Variants in CAPN14 observed in about 807,000 individuals in gnomAD.
CAPN14 encodes calpain-14.
In CAPN14, 94 loss-of-function variants were observed where a neutral mutation model predicts 101.3. That is an observed-to-expected ratio of 0.93 (90% CI 0.79 to 1.10). The LOEUF (loss-of-function observed/expected upper bound fraction) is 1.10, where lower values mean the gene tolerates loss of function less well. CAPN14 is among the 50% of genes least tolerant of loss of function. The pLI is 0.00. For synonymous variants in CAPN14, 338 were observed against 317.9 expected (o/e 1.06, Z -0.67); for missense variants, 837 against 828.4 (o/e 1.01, Z -0.13).
chr2:31,188,433 C>T, intron 13 of CAPN14, 79 bp from the exon 14 acceptor site: 2 of 1,325,900 alleles, frequency 1.5e-6, no homozygotes, highest in Middle Eastern at 3.6e-4. Flanking sequence ...CTCCTGGGAG[C>T]TCGTCTTCCA....
chr2:31,216,691 C>T lies in CAPN14; in HGVS notation c.-53+765G>A, dbSNP rs192425951. Reference sequence around the variant, plus strand: ...GTACCACCCACCAAAACATTGTCACCCTGTGCCTCCATAGGAGAGGGTTAT... The same window carrying T: ...GTACCACCCACCAAAACATTGTCACTCTGTGCCTCCATAGGAGAGGGTTAT... On this transcript the variant is annotated intron_variant, in intron 1 of 21. Coordinates refer to ENST00000403897, the MANE Select transcript of CAPN14 (RefSeq NM_001145122.2). Among the ~76,000 whole-genome samples the T allele has an allele frequency of 2.6e-3, 399 of 152,190 alleles. 2 individuals are homozygous for T. The highest frequency in any genetic ancestry group is 9.4e-3 in the African/African-American group (390 of 41,522).
intron 1 of CAPN14, among the ~76,000 whole-genome samples, chr2:31,213,762 T>C (rs1036861911): frequency 9.2e-5 from 14 of 152,244 alleles, no homozygotes; most frequent in African/African-American, 3.4e-4. Context: ...AAGTTTCACA[T>C]CTAATCCCTT....
intron 8 of CAPN14, 140 bp downstream of exon 8, chr2:31,197,109 G>A (rs1252199753): frequency 3.4e-6 from 2 of 588,830 alleles, no homozygotes; most frequent in African/African-American, 3.8e-5. Flanking sequence ...CTAAATGTGA[G>A]GGATTGAGCT....
At chr2:31,231,462 A>T (rs1245120374) in intron 1 of CAPN14, among the ~76,000 whole-genome samples, 1 of 152,124 alleles carries the variant, frequency 6.6e-6, no homozygotes, top group Non-Finnish European at 1.5e-5. Context: ...CTTTTGTCAG[A>T]TTTATCCGTA....
At chr2:31,178,154 T>C (rs1445757192) in intron 18 of CAPN14, among the ~76,000 whole-genome samples, 1 of 151,772 alleles carries the variant, frequency 6.6e-6, no homozygotes, top group South Asian at 2.1e-4. Context: ...AGTGGGAGAG[T>C]TGTGAGTTGT....
chr2:31,212,773 G>A (rs1399805685), intron 1 of CAPN14, among the ~76,000 whole-genome samples: 1 of 152,190 alleles, frequency 6.6e-6, no homozygotes, highest in Non-Finnish European at 1.5e-5. Context: ...GTAACACCTG[G>A]CCTTTGATCA....
chr2:31,191,850 A>G (rs778866748), intron 11 of CAPN14, 85 bp downstream of exon 11: 28 of 1,284,986 alleles, frequency 2.2e-5, no homozygotes, highest in Non-Finnish European at 3.0e-5. Context: ...CAGATGGTGA[A>G]GAAGACAGGA....
At chr2:31,207,439 C>A (rs75151853) in intron 1 of CAPN14, among the ~76,000 whole-genome samples, 6,429 of 152,236 alleles carry the variant, frequency 0.042, 149 homozygotes, top group African/African-American at 0.054. Context: ...ACAAACATAA[C>A]ATTTTAAAAG....
Position 31,193,162 on chromosome 2 carries a change from G to C in CAPN14, c.1083C>G (p.Ser361Arg). ...TMREGRWEKRSTAGGQRQLLQ... is the reference protein window; with the variant it reads ...TMREGRWEKRRTAGGQRQLLQ... ...GCAACTGCCTCTGGCCACCAGCTGT[G>C]CTCCGCTTCTCCCATCTCCCCTCCC... Residue 361 changes from serine to arginine, a missense_variant, in exon 10 of 22, where the codon AGC (serine) becomes AGG (arginine). Physicochemically the swap from Ser to Arg is moderately radical, Grantham distance 110. Coordinates refer to ENST00000403897, the MANE Select transcript of CAPN14 (RefSeq NM_001145122.2). The C allele has an allele frequency of 6.4e-6, 10 of 1,551,096 alleles. No individual in the cohort carries two copies. Among genetic ancestry groups the C allele is most frequent in the Non-Finnish European group, 8.7e-6 (10 of 1,146,964 alleles).
chr2:31,189,319 T>C lies in CAPN14; in HGVS notation c.1447A>G (p.Lys483Glu), dbSNP rs774839785. 14 of 1,551,594 alleles carry C rather than the reference T, an allele frequency of 9.0e-6. No individual in the cohort carries two copies. The highest frequency in any genetic ancestry group is 1.1e-5 in the Non-Finnish European group (13 of 1,147,018). The change falls in exon 13 of 22, where the codon AAG becomes GAG. Residue 483 changes from lysine to glutamate, a missense_variant. By Grantham distance (56) the Lys-to-Glu change is moderately conservative. Transcript: ENST00000403897. ...IVPCILEAHQ[K>E]SEFVLRVFSR... ...AAGACCCTGAGGACGAACTCTGACT[T>C]CTGGTGGGCCTCCAATATGCAGGGC...
intron 20 of CAPN14, 79 bp from the exon 21 acceptor site, chr2:31,176,721 A>C (rs1572383898): frequency 5.5e-6 from 7 of 1,279,358 alleles, no homozygotes; most frequent in East Asian, 2.5e-5. Flanking sequence ...CATATGTCTC[A>C]CCTTAACCAC....
upstream of CAPN14, among the ~76,000 whole-genome samples, chr2:31,222,034 T>C (rs1042134236): frequency 2.6e-5 from 4 of 152,148 alleles, no homozygotes; most frequent in African/African-American, 9.7e-5. Flanking sequence ...CAAATAGCCA[T>C]CCTAAGGCTT....
Position 31,177,786 on chromosome 2 carries a change from G to A in CAPN14, c.1815C>T (p.Tyr605=). The A allele has an allele frequency of 1.9e-6, 3 of 1,552,052 alleles. No individual in the cohort carries two copies. The highest frequency in any genetic ancestry group is 2.6e-6 in the Non-Finnish European group (3 of 1,147,068). ...VFHKQDRGSG[Y]LNWEQLHAAM... ...CAGCGTGCAGCTGCTCCCAGTTCAG[G>A]TATCCTGACCCACGGTCTTGCTTGT... Residue 605 remains tyrosine, a synonymous_variant, in exon 19 of 22, where the codon TAC becomes TAT. Coordinates refer to ENST00000403897, the MANE Select transcript of CAPN14 (RefSeq NM_001145122.2).
chr2:31,219,591 C>T (rs1682799647), upstream of CAPN14, among the ~76,000 whole-genome samples: 1 of 152,198 alleles, frequency 6.6e-6, no homozygotes, highest in Non-Finnish European at 1.5e-5. Context: ...ATGGGCTTCA[C>T]AAGCTCAGGA....
intron 8 of CAPN14, among the ~76,000 whole-genome samples, chr2:31,195,172 GA>G (rs999943107): frequency 1.3e-5 from 2 of 152,010 alleles, no homozygotes; most frequent in African/African-American, 4.8e-5. Flanking sequence ...GGGGCTACAT[GA>G]AAAAAAGGAG....
At chr2:31,186,991 C>A (rs541401606) in intron 15 of CAPN14, among the ~76,000 whole-genome samples, 1 of 152,140 alleles carries the variant, frequency 6.6e-6, no homozygotes, top group Admixed American at 6.5e-5. Flanking sequence ...CTTTAACAAA[C>A]AATACATATA....
chr2:31,229,672 C>T (rs1200475684), intron 1 of CAPN14, among the ~76,000 whole-genome samples: 10 of 114,590 alleles, frequency 8.7e-5, no homozygotes, highest in African/African-American at 3.5e-4. Context: ...GAGCAAGACC[C>T]TATGTCCAAA....
chr2:31,231,295 A>G (rs79981244), intron 1 of CAPN14, among the ~76,000 whole-genome samples: 1,983 of 152,314 alleles, frequency 0.013, 37 homozygotes, highest in Non-Finnish European at 0.016. Context: ...CATATCTCTC[A>G]ATTATTGAAT....
chr2:31,191,300 G>T, intron 12 of CAPN14, 99 bp downstream of exon 12: 2 of 1,165,970 alleles, frequency 1.7e-6, no homozygotes, highest in Non-Finnish European at 1.2e-6. Context: ...AGCTTCTTAC[G>T]CAGTAGAAGC....
Sources: gnomAD v4.1 joint callset for allele counts (sites outside exome capture counted in the v4.1 genomes callset) on GRCh38, gnomAD v4.1.1 for gene constraint, MANE v1.5 for transcripts, NCBI Gene and HGNC (gene_info 2026-07-23, HGNC 2026-07-21) for gene names.